SESTD1: variants seen among roughly 807,000 people sequenced by gnomAD.
SESTD1 encodes the protein SEC14 and spectrin domain containing 1.
SESTD1 carries 43 observed loss-of-function variants against 101.7 expected under a neutral mutation model. That is an observed-to-expected ratio of 0.42 (90% CI 0.33 to 0.55). The LOEUF (loss-of-function observed/expected upper bound fraction) is 0.55, where lower values mean the gene tolerates loss of function less well. SESTD1 is among the 20% of genes least tolerant of loss of function. The probability of loss-of-function intolerance (pLI) is 0.07; values close to 1 mark genes in which losing one functional copy is unlikely to be tolerated. For missense variants in SESTD1, 647 were observed against 815.1 expected (o/e 0.79, Z 2.51); for synonymous variants, 283 against 286.8 (o/e 0.99, Z 0.13).
intron 1 of SESTD1, among the ~76,000 whole-genome samples, chr2:179,257,898 G>A (rs908999133): frequency 1.4e-4 from 21 of 152,178 alleles, no homozygotes; most frequent in African/African-American, 5.1e-4. Context: ...CCCATAGAAT[G>A]ATCAAAATAT....
chr2:179,172,062 T>C, intron 5 of SESTD1, 58 bp downstream of exon 5: 1 of 1,149,284 alleles, frequency 8.7e-7, no homozygotes, highest in South Asian at 1.4e-5. Flanking sequence ...AAAAATAATT[T>C]CAGTAAAATA....
At chr2:179,201,804 G>A (rs186050372) in intron 1 of SESTD1, among the ~76,000 whole-genome samples, 16,060 of 127,454 alleles carry the variant, frequency 0.13, 5,803 homozygotes, top group African/African-American at 0.51. Flanking sequence ...GGATAGCATT[G>A]GGCAACATAC....
intron 1 of SESTD1, among the ~76,000 whole-genome samples, chr2:179,236,323 TAAAAA>T (rs552456681): frequency 1.5e-5 from 1 of 66,718 alleles, no homozygotes; most frequent in Non-Finnish European, 2.6e-5. Flanking sequence ...CCTCATCTCT[TAAAAA>T]AAAAAAAAAA....
intron 7 of SESTD1, among the ~76,000 whole-genome samples, chr2:179,147,424 T>C (rs1480300926): frequency 6.6e-6 from 1 of 151,130 alleles, no homozygotes; most frequent in Non-Finnish European, 1.5e-5. Context: ...TGCAGTGGCG[T>C]GATCTCGACT....
intron 1 of SESTD1, among the ~76,000 whole-genome samples, chr2:179,217,511 TG>T (rs1213451771): frequency 6.6e-6 from 1 of 152,154 alleles, no homozygotes; most frequent in African/African-American, 2.4e-5. Context: ...AAATAAAAAC[TG>T]TTTTACACTG....
intron 1 of SESTD1, among the ~76,000 whole-genome samples, chr2:179,261,454 A>G (rs934889613): frequency 5.3e-5 from 8 of 152,206 alleles, no homozygotes; most frequent in Non-Finnish European, 1.2e-4. Flanking sequence ...ACAACTTTGC[A>G]CTTTAGTTTC....
chr2:179,166,381 T>TA (rs1451580268), intron 5 of SESTD1, among the ~76,000 whole-genome samples: 3 of 151,894 alleles, frequency 2.0e-5, no homozygotes, highest in Non-Finnish European at 4.4e-5. Flanking sequence ...AAAAAAATCT[T>TA]AGAGTGCTGC....
intron 8 of SESTD1, among the ~76,000 whole-genome samples, chr2:179,145,581 G>T (rs764488771): frequency 2.0e-5 from 3 of 152,196 alleles, no homozygotes; most frequent in Non-Finnish European, 2.9e-5. Flanking sequence ...TAGAGTTTGT[G>T]AAACTGCTAC....
intron 3 of SESTD1, among the ~76,000 whole-genome samples, chr2:179,178,546 C>T (rs2046051500): frequency 6.6e-6 from 1 of 152,106 alleles, no homozygotes; most frequent in Admixed American, 6.5e-5. Flanking sequence ...AATGAGGGGA[C>T]TCCTGGAGTT....
At chr2:179,179,642 T>C (rs553251803) in intron 3 of SESTD1, among the ~76,000 whole-genome samples, 3 of 152,356 alleles carry the variant, frequency 2.0e-5, no homozygotes, top group Admixed American at 2.0e-4. Context: ...GAATGTTATC[T>C]TACAAATGTC....
chr2:179,123,193 C>T (rs1000433251), intron 12 of SESTD1, among the ~76,000 whole-genome samples: 1 of 152,090 alleles, frequency 6.6e-6, no homozygotes, highest in African/African-American at 2.4e-5. Flanking sequence ...ATCAAGCCTA[C>T]ATCAGCTTAA....
At chr2:179,159,859 G>GA (rs1275100164) in intron 5 of SESTD1, among the ~76,000 whole-genome samples, 11 of 151,950 alleles carry the variant, frequency 7.2e-5, no homozygotes, top group Non-Finnish European at 1.2e-4. Context: ...GAAACATAAT[G>GA]AAAAAAAATT....
chr2:179,144,064 A>G (rs1234125466), intron 8 of SESTD1, among the ~76,000 whole-genome samples: 2 of 152,042 alleles, frequency 1.3e-5, no homozygotes, highest in African/African-American at 4.8e-5. Flanking sequence ...TATCATAAAT[A>G]TACGCACCTT....
chr2:179,248,114 A>G (rs1366997740), intron 1 of SESTD1, among the ~76,000 whole-genome samples: 2 of 151,994 alleles, frequency 1.3e-5, no homozygotes, highest in African/African-American at 4.8e-5. Context: ...GGAATGCAAC[A>G]GAGATCTCAT....
At chr2:179,151,546 A>AT (rs1559116037) in intron 5 of SESTD1, among the ~76,000 whole-genome samples, 155 bp from the exon 6 acceptor site, 1 of 152,220 alleles carries the variant, frequency 6.6e-6, no homozygotes, top group Non-Finnish European at 1.5e-5. Flanking sequence ...AACCAATTCA[A>AT]TAAGTTATAG....
intron 16 of SESTD1, among the ~76,000 whole-genome samples, chr2:179,113,610 G>C (rs1204315356): frequency 2.0e-5 from 3 of 151,928 alleles, no homozygotes; most frequent in Non-Finnish European, 4.4e-5. Flanking sequence ...CTCATGAACG[G>C]ACATTTTTGT....
At chr2:179,223,981 A>G (rs1218150599) in intron 1 of SESTD1, among the ~76,000 whole-genome samples, 3 of 152,216 alleles carry the variant, frequency 2.0e-5, no homozygotes. Context: ...ATTCCTTTCA[A>G]TGCTATTACA....
intron 3 of SESTD1, among the ~76,000 whole-genome samples, chr2:179,182,334 A>G (rs773383344): frequency 4.6e-5 from 7 of 152,136 alleles, no homozygotes; most frequent in Non-Finnish European, 1.0e-4. Flanking sequence ...CTGGTTGCAC[A>G]TTAGAAATAC....
At chr2:179,118,575 GCT>G in intron 13 of SESTD1, among the ~76,000 whole-genome samples, 1 of 152,050 alleles carries the variant, frequency 6.6e-6, no homozygotes, top group East Asian at 1.9e-4. Context: ...AAATAAAGAT[GCT>G]CTGAATAAAA....
Sources: gnomAD v4.1 joint callset for allele counts (sites outside exome capture counted in the v4.1 genomes callset) on GRCh38, gnomAD v4.1.1 for gene constraint, MANE v1.5 for transcripts, NCBI Gene and HGNC (gene_info 2026-07-23, HGNC 2026-07-21) for gene names.